ABCC4: variants seen among roughly 807,000 people sequenced by gnomAD.
The protein encoded by ABCC4 is ATP-binding cassette sub-family C member 4.
A neutral mutation model predicts 168.5 loss-of-function variants in ABCC4; 102 were observed. The ratio of observed to expected loss-of-function variants is 0.61; its 90% CI spans 0.52 to 0.71. The LOEUF is 0.71. ABCC4 is among the 30% of genes least tolerant of loss of function. The pLI is 0.00. For missense variants in ABCC4, 1,402 were observed against 1,605.8 expected, an observed-to-expected ratio of 0.87 and a Z score of 2.17; for synonymous variants, 617 against 590.7, an observed-to-expected ratio of 1.04 and a Z score of -0.65.
chr13:95,188,494 C>G lies in ABCC4; in HGVS notation c.1312G>C (p.Gly438Arg). 1 of 1,614,148 alleles carries G rather than the reference C, an allele frequency of 6.2e-7. No homozygotes were observed. The highest frequency in any genetic ancestry group is 1.1e-5 in the South Asian group (1 of 91,074). Residue 438 changes from glycine to arginine, a missense_variant, in exon 10 of 31, where the codon GGC becomes CGC. Gly to Arg is a moderately radical substitution (Grantham distance 125, BLOSUM62 -2). Transcript: ENST00000645237. ...LQGLSFTVRP[G>R]ELLAVVGPVG... is the part of the protein sequence containing the mutation. ...GGGCCGACCACAGCTAACAATTCGC[C>G]AGGTCTGACAGTAAAGGAAAGGCCT...
chr13:95,196,647 A>C (rs796082861), intron 8 of ABCC4, among the ~76,000 whole-genome samples: 9 of 26,936 alleles, frequency 3.3e-4, no homozygotes, highest in African/African-American at 1.6e-3. Context: ...GAAGGAAGGA[A>C]GGAAGGAAGG....
chr13:95,058,588 AAAAAG>A (rs1178949059), intron 26 of ABCC4, among the ~76,000 whole-genome samples: 3 of 77,216 alleles, frequency 3.9e-5, no homozygotes, highest in East Asian at 8.3e-4. Context: ...AAAAAAAAAA[AAAAAG>A]AAAAGAAAAA....
At chr13:95,139,648 T>C (rs1246118100) in intron 19 of ABCC4, among the ~76,000 whole-genome samples, 1 of 152,216 alleles carries the variant, frequency 6.6e-6, no homozygotes, top group Non-Finnish European at 1.5e-5. Context: ...TAAATGCAGT[T>C]TAAATCATAA....
intron 4 of ABCC4, among the ~76,000 whole-genome samples, chr13:95,228,258 A>G (rs2039523597): frequency 6.6e-6 from 1 of 151,974 alleles, no homozygotes; most frequent in Non-Finnish European, 1.5e-5. Context: ...CAATCTTCTC[A>G]CCATCAGCGC....
At chr13:95,215,193 G>A (rs564806196) in intron 4 of ABCC4, among the ~76,000 whole-genome samples, 1 of 152,298 alleles carries the variant, frequency 6.6e-6, no homozygotes, top group South Asian at 2.1e-4. Context: ...GGCTGAGGCA[G>A]TCAAATTGCT....
chr13:95,219,938 C>T (rs1166746490), intron 4 of ABCC4, among the ~76,000 whole-genome samples: 2 of 151,326 alleles, frequency 1.3e-5, no homozygotes, highest in African/African-American at 2.4e-5. Flanking sequence ...TCACTGCAAC[C>T]TCCACCTCCC....
At chr13:95,290,688 A>G (rs2041374726) in intron 1 of ABCC4, among the ~76,000 whole-genome samples, 2 of 146,258 alleles carry the variant, frequency 1.4e-5, no homozygotes, top group Non-Finnish European at 3.0e-5. Flanking sequence ...CTGGGCAACA[A>G]GAGCAAAACT....
intron 26 of ABCC4, among the ~76,000 whole-genome samples, chr13:95,058,411 A>T (rs2033143648): frequency 6.6e-6 from 1 of 151,612 alleles, no homozygotes; most frequent in South Asian, 2.1e-4. Flanking sequence ...TCTACTAAAA[A>T]TACAAAGATT....
At chr13:95,176,307 CA>C (rs1239473925) in intron 13 of ABCC4, among the ~76,000 whole-genome samples, 3 of 127,050 alleles carry the variant, frequency 2.4e-5, no homozygotes, top group African/African-American at 8.6e-5. Context: ...CCAGCCTAGA[CA>C]ACATGGCAAA....
intron 14 of ABCC4, among the ~76,000 whole-genome samples, chr13:95,167,165 G>A (rs556714583): frequency 6.8e-4 from 102 of 148,994 alleles, no homozygotes; most frequent in African/African-American, 2.2e-3. Flanking sequence ...TGACAAGAGC[G>A]AAACTCCATC....
chr13:95,136,994 A>C (rs569858029), intron 19 of ABCC4, among the ~76,000 whole-genome samples: 1 of 152,298 alleles, frequency 6.6e-6, no homozygotes, highest in South Asian at 2.1e-4. Context: ...TTTACTTTAC[A>C]TGGTTTGCTC....
At chr13:95,123,119 T>C (rs2035633524) in intron 19 of ABCC4, among the ~76,000 whole-genome samples, 1 of 152,226 alleles carries the variant, frequency 6.6e-6, no homozygotes, top group Admixed American at 6.5e-5. Context: ...CTACACTAAG[T>C]GACTTATAAA....
At chr13:95,124,897 A>T (rs1464330676) in intron 19 of ABCC4, among the ~76,000 whole-genome samples, 3 of 151,226 alleles carry the variant, frequency 2.0e-5, no homozygotes, top group African/African-American at 7.3e-5. Flanking sequence ...ATAAAATAAA[A>T]TAAAAAAATA....
chr13:95,264,930 G>GTGAT (rs2040629565), intron 1 of ABCC4, among the ~76,000 whole-genome samples: 2 of 141,504 alleles, frequency 1.4e-5, no homozygotes, highest in African/African-American at 5.3e-5. Flanking sequence ...GTGAAGTGGT[G>GTGAT]TGATCTCAGC....
intron 3 of ABCC4, among the ~76,000 whole-genome samples, chr13:95,237,839 G>A (rs1226073427): frequency 6.6e-6 from 1 of 152,080 alleles, no homozygotes; most frequent in Non-Finnish European, 1.5e-5. Flanking sequence ...AGATGTTTGA[G>A]TGAAAAATAC....
At chr13:95,098,593 T>C (rs1403569767) in intron 20 of ABCC4, among the ~76,000 whole-genome samples, 3 of 152,108 alleles carry the variant, frequency 2.0e-5, no homozygotes, top group Non-Finnish European at 4.4e-5. Context: ...AATAAGCAAA[T>C]GTATTAAAAA....
intron 4 of ABCC4, among the ~76,000 whole-genome samples, chr13:95,228,805 A>G (rs556118866): frequency 3.3e-5 from 5 of 151,600 alleles, no homozygotes; most frequent in Non-Finnish European, 7.4e-5. Context: ...CACACCTGTA[A>G]TCCTGGTACT....
intron 6 of ABCC4, among the ~76,000 whole-genome samples, chr13:95,209,078 C>T (rs1383449459): frequency 1.3e-5 from 2 of 152,144 alleles, no homozygotes; most frequent in Non-Finnish European, 2.9e-5. Flanking sequence ...AACACAAGCA[C>T]GGTAAAGATG....
intron 3 of ABCC4, among the ~76,000 whole-genome samples, chr13:95,242,920 A>G (rs1041228429): frequency 6.6e-6 from 1 of 152,222 alleles, no homozygotes; most frequent in African/African-American, 2.4e-5. Flanking sequence ...AACTGGGAAG[A>G]GCTTTAGCTC....
Sources: allele counts gnomAD v4.1 joint callset (sites outside exome capture counted in the v4.1 genomes callset), GRCh38; gene constraint gnomAD v4.1.1; transcripts MANE v1.5; gene names NCBI Gene and HGNC (gene_info 2026-07-23, HGNC 2026-07-21).